RYR3: variants seen among roughly 807,000 people sequenced by gnomAD.
RYR3 encodes brain ryanodine receptor-calcium release channel.
RYR3 carries 207 observed loss-of-function variants against 584.3 expected under a neutral mutation model. The ratio of observed to expected loss-of-function variants is 0.35; its 90% CI spans 0.32 to 0.40. The LOEUF (loss-of-function observed/expected upper bound fraction) is 0.40. RYR3 is among the 10% of genes least tolerant of loss of function. The pLI is 1.00. For missense variants in RYR3, 5,616 were observed against 6,089.2 expected (o/e 0.92, Z 2.59); for synonymous variants, 2,416 against 2,248.5 (o/e 1.07, Z -2.11).
intron 99 of RYR3, 57 bp from the exon 100 acceptor site, chr15:33,859,518 C>A (rs1020833628): frequency 4.4e-6 from 7 of 1,591,014 alleles, no homozygotes; most frequent in Non-Finnish European, 6.0e-6. Flanking sequence ...ATCTGAGCAT[C>A]TTGCTAAAAA....
rs1229965609 is a variant in RYR3 at position 33,412,274 on chromosome 15, G to A, written c.52-61145G>A. The stretch of plus-strand genomic sequence containing the variant: ...AACCCCTTTGGCTTGAGGCTGGGAA[G>A]GCCATGGGTTGTTCTTGGCACGGAC... On this transcript the variant is annotated intron_variant, in intron 1 of 103. Transcript: ENST00000634891. The surrounding 1 kb of genome is among the most constrained non-coding windows in gnomAD (Gnocchi z 4.3). 6.6e-6 allele frequency among the ~76,000 whole-genome samples: 1 copy of A among 152,176 alleles called. No homozygotes were observed. The highest frequency in any genetic ancestry group is 1.5e-5 in the Non-Finnish European group (1 of 68,044).
intron 64 of RYR3, among the ~76,000 whole-genome samples, chr15:33,775,429 TA>T (rs2073932578): frequency 6.6e-6 from 1 of 152,162 alleles, no homozygotes; most frequent in Admixed American, 6.5e-5. Context: ...GGCTCAGGAC[TA>T]ACTCTTTCTC....
At chr15:33,595,892 A>T in intron 16 of RYR3, among the ~76,000 whole-genome samples, 1 of 151,910 alleles carries the variant, frequency 6.6e-6, no homozygotes, top group East Asian at 1.9e-4. Flanking sequence ...GATTGTGTGA[A>T]TTTTTTTTAA....
At position 33,738,433 on chromosome 15, in the gene RYR3, T is replaced by C. The variant is rs1176963593; in HGVS notation, c.7516-17T>C. 1 of 1,607,912 alleles carries C rather than the reference T, an allele frequency of 6.2e-7. No individual in the cohort carries two copies. Among genetic ancestry groups the C allele is most frequent in the South Asian group, 1.1e-5 (1 of 89,906 alleles). On this transcript the variant is annotated splice_polypyrimidine_tract_variant and intron_variant, in intron 49 of 103. Transcript: ENST00000634891. Reference sequence around the variant, plus strand: ...TCTATGCCACCCCGCTGGTCTGTCCTGTTCTGCACCTCCCAGCTTCTGACG... The same window carrying C: ...TCTATGCCACCCCGCTGGTCTGTCCCGTTCTGCACCTCCCAGCTTCTGACG...
In RYR3 at chr15:33,335,681, A is replaced by G. The variant is rs547975658; in HGVS notation, c.51+24585A>G. On this transcript the variant is annotated intron_variant, in intron 1 of 103. Coordinates refer to ENST00000634891, the MANE Select transcript of RYR3 (RefSeq NM_001036.6). Reference sequence around the variant, plus strand: ...CCAAACTTGCACTTCCTGCACCTGTACACTTGAGCTTAAAATAAAAGTGAA... The same window carrying G: ...CCAAACTTGCACTTCCTGCACCTGTGCACTTGAGCTTAAAATAAAAGTGAA... Among the ~76,000 whole-genome samples the G allele has an allele frequency of 2.6e-5, 4 of 152,182 alleles. No individual in the cohort carries two copies. In the East Asian group the frequency reaches 7.7e-4, roughly 29 times the overall value.
intron 9 of RYR3, among the ~76,000 whole-genome samples, chr15:33,549,132 A>G (rs541055610): frequency 7.6e-4 from 116 of 152,234 alleles, no homozygotes; most frequent in African/African-American, 2.7e-3. Flanking sequence ...AGGAGCGTGC[A>G]CTTACTAACT....
chr15:33,748,677 C>A, intron 55 of RYR3, 147 bp downstream of exon 55: 1 of 731,244 alleles, frequency 1.4e-6, no homozygotes, highest in Non-Finnish European at 2.3e-6. Context: ...GTGCAGAGGC[C>A]ACAGGGAAAG....
chr15:33,854,159 A>G (rs1341156044), intron 96 of RYR3, among the ~76,000 whole-genome samples: 1 of 149,994 alleles, frequency 6.7e-6, no homozygotes, highest in African/African-American at 2.5e-5. Flanking sequence ...TCACGCCACT[A>G]CACTCCAGCC....
At chr15:33,337,005 C>T (rs1184574754) in intron 1 of RYR3, among the ~76,000 whole-genome samples, 1 of 124,834 alleles carries the variant, frequency 8.0e-6, no homozygotes, top group Non-Finnish European at 1.6e-5. Flanking sequence ...TTGCATGAGC[C>T]GAGATAGTGC....
chr15:33,325,599 GTTTCTTTTCTTTTCCTTTCTTTCCT>G (rs1325594595), intron 1 of RYR3, among the ~76,000 whole-genome samples: 2 of 146,840 alleles, frequency 1.4e-5, no homozygotes, highest in Non-Finnish European at 3.1e-5. Flanking sequence ...TTATGATGAG[GTTTCTTTTCTTTTCCTTTCTTTCCT>G]TTTCTTTTCT....
chr15:33,846,242 G>A (rs978812616), intron 93 of RYR3, among the ~76,000 whole-genome samples: 2 of 152,248 alleles, frequency 1.3e-5, no homozygotes, highest in Admixed American at 6.5e-5. Flanking sequence ...CTAGGTCTTA[G>A]GCCCAGAACT....
intron 1 of RYR3, among the ~76,000 whole-genome samples, chr15:33,449,854 A>G (rs2046963105): frequency 6.6e-6 from 1 of 152,112 alleles, no homozygotes; most frequent in African/African-American, 2.4e-5. Context: ...AGAGGGAAGC[A>G]TAAAGATCCC....
intron 1 of RYR3, among the ~76,000 whole-genome samples, chr15:33,409,161 G>T (rs906343085): frequency 3.4e-4 from 51 of 152,186 alleles, no homozygotes; most frequent in African/African-American, 1.2e-3. Context: ...CAATGGCCTA[G>T]GTAATTACAA....
rs113625444 is a variant in RYR3, at chr15:33,833,491, C to T, written c.11464-1477C>T. Among the ~76,000 whole-genome samples, 684 of 152,268 alleles carry T rather than the reference C, an allele frequency of 4.5e-3. 4 individuals are homozygous for T. The highest frequency in any genetic ancestry group is 7.3e-3 in the Non-Finnish European group (494 of 68,028). ...GGGAGATATATCCTTGTCACTCAAGCGTTATAAGGACATGAAGTGATAAAC... is the reference window on the plus strand; with the variant it reads ...GGGAGATATATCCTTGTCACTCAAGTGTTATAAGGACATGAAGTGATAAAC... On this transcript the variant is annotated intron_variant, in intron 86 of 103. Coordinates refer to ENST00000634891, the MANE Select transcript of RYR3 (RefSeq NM_001036.6).
Position 33,311,025 on chromosome 15 carries a change from A to G in RYR3, c.-21A>G. The G allele has an allele frequency of 6.4e-7, 1 of 1,570,082 alleles. No homozygotes were observed. ...AAGCAGAGGCGCCGGAGGCTGGGGC[A>G]CCGCCGACGCCTCGGGAGCCATGGC... On this transcript the variant is annotated 5_prime_UTR_variant, in exon 1 of 104. Transcript: ENST00000634891. The surrounding 1 kb of genome is among the most constrained non-coding windows in gnomAD (Gnocchi z 4.4).
At chr15:33,860,697 A>C (rs1398600757) in intron 101 of RYR3, 38 bp downstream of exon 101, 1 of 1,393,984 alleles carries the variant, frequency 7.2e-7, no homozygotes, top group Non-Finnish European at 1.0e-6. Context: ...GCTCTATTTT[A>C]ATATCCCCAG....
chr15:33,361,410 G>A (rs778897421), intron 1 of RYR3, among the ~76,000 whole-genome samples: 16 of 152,176 alleles, frequency 1.1e-4, no homozygotes, highest in Admixed American at 2.6e-4. Flanking sequence ...TGCATGGGCC[G>A]TCTCCATTTT....
intron 60 of RYR3, 142 bp from the exon 61 acceptor site, chr15:33,768,516 T>TCGGTGG: frequency 1.4e-6 from 1 of 728,602 alleles, no homozygotes. Context: ...CAGAGGATTC[T>TCGGTGG]TTGCTAGGAA....
At chr15:33,596,488 C>CT (rs1440995203) in intron 16 of RYR3, among the ~76,000 whole-genome samples, 24 of 41,906 alleles carry the variant, frequency 5.7e-4, no homozygotes, top group African/African-American at 1.2e-3. Flanking sequence ...CAATATTGTT[C>CT]TTTTTTTGGG....
Sources: gnomAD v4.1 joint callset for allele counts (sites outside exome capture counted in the v4.1 genomes callset) on GRCh38, gnomAD v4.1.1 for gene constraint, Gnocchi (gnomAD v3.1) non-coding constraint, MANE v1.5 for transcripts, NCBI Gene and HGNC (gene_info 2026-07-23, HGNC 2026-07-21) for gene names.